Variants in USP4 observed in about 807,000 individuals in gnomAD.
USP4 encodes the protein ubiquitin specific peptidase 4.
Under a neutral mutation model 118.2 loss-of-function variants are expected in USP4, and 72 were observed. The ratio of observed to expected loss-of-function variants is 0.61; its 90% confidence interval spans 0.50 to 0.74. USP4 has a LOEUF of 0.74. Ranked by LOEUF, USP4 falls within the 30% of genes least tolerant of loss-of-function variation. The pLI, the probability that USP4 is intolerant of heterozygous loss-of-function variation, is 0.00. For synonymous variants in USP4, 415 were observed against 440.4 expected (o/e 0.94, Z 0.72); for missense variants, 1,037 against 1,185.7 (o/e 0.87, Z 1.84).
intron 2 of USP4, among the ~76,000 whole-genome samples, chr3:49,331,756 T>C (rs761741477): frequency 5.9e-5 from 9 of 152,152 alleles, no homozygotes; most frequent in African/African-American, 9.7e-5. Context: ...CTTGGGATTT[T>C]TGGAATGATA....
rs151209084 is a variant in USP4, at chr3:49,280,762, C to A, written c.2626G>T (p.Ala876Ser). 1 of 1,614,074 alleles carries A rather than the reference C, an allele frequency of 6.2e-7. No homozygotes were observed. The highest frequency in any genetic ancestry group is 1.3e-5 in the African/African-American group (1 of 75,034). The change falls in exon 20 of 22, where the codon GCC becomes TCC. Residue 876 changes from alanine to serine, a missense_variant. By Grantham distance (99) the Ala-to-Ser change is moderately conservative (BLOSUM62 1). Transcript: ENST00000265560. ...TACTTACAGTGGCCAACCCCCATGG[C>A]TCCATAATGATTGGACACGGCAATG... The part of the protein sequence containing the change: ...DLIAVSNHYG[A>S]MGVGHYTAYA...
At chr3:49,294,341 T>G in intron 14 of USP4, 66 bp downstream of exon 14, 1 of 1,516,772 alleles carries the variant, frequency 6.6e-7, no homozygotes, top group South Asian at 1.3e-5. Flanking sequence ...TGGCAGGAGT[T>G]GCCACTACTA....
Position 49,277,544 on chromosome 3 carries a change from A to T in USP4, c.*749T>A, listed in dbSNP as rs1575597062. On this transcript the variant is annotated 3_prime_UTR_variant, in exon 22 of 22. Transcript: ENST00000265560. ...GCCAACATGGAAACAACTAGACGGGACACAGCACCGGGCAGTTTTATGTAC... is the reference window on the plus strand; with the variant it reads ...GCCAACATGGAAACAACTAGACGGGTCACAGCACCGGGCAGTTTTATGTAC... 1 of 200,172 alleles carries T rather than the reference A, an allele frequency of 5.0e-6. No homozygotes were observed. Among genetic ancestry groups the T allele is most frequent in the Non-Finnish European group, 1.1e-5 (1 of 94,808 alleles). 12.4% of individuals were successfully genotyped at this position (200,172 alleles called of 1,614,324 possible). A position where few individuals can be genotyped will look rare whatever the true frequency, so the allele number is the denominator to read the frequency against.
intron 6 of USP4, among the ~76,000 whole-genome samples, chr3:49,319,598 C>CATGT (rs2047478278): frequency 3.6e-5 from 2 of 55,022 alleles, no homozygotes; most frequent in South Asian, 1.6e-3. Flanking sequence ...TATTACTAAA[C>CATGT]ATGTTTGTTT....
At chr3:49,332,907 C>T (rs991532871) in intron 2 of USP4, among the ~76,000 whole-genome samples, 1 of 151,600 alleles carries the variant, frequency 6.6e-6, no homozygotes, top group Non-Finnish European at 1.5e-5. Context: ...GTGGTGGGGC[C>T]TGTAGTTCCA....
chr3:49,324,178 T>C (rs953476492), intron 6 of USP4, among the ~76,000 whole-genome samples: 2 of 152,234 alleles, frequency 1.3e-5, no homozygotes, highest in African/African-American at 4.8e-5. Flanking sequence ...TTTGTATTTT[T>C]AGTAGAGACA....
chr3:49,284,739 G>T, intron 17 of USP4, 110 bp downstream of exon 17: 1 of 1,257,368 alleles, frequency 8.0e-7, no homozygotes, highest in Non-Finnish European at 1.1e-6. Context: ...TTCCTTCTCA[G>T]TCTTAAATAT....
intron 9 of USP4, among the ~76,000 whole-genome samples, chr3:49,303,646 T>A (rs1177835786): frequency 6.6e-6 from 1 of 152,110 alleles, no homozygotes; most frequent in African/African-American, 2.4e-5. Flanking sequence ...TGCAGATATA[T>A]AACACATCCA....
chr3:49,325,912 T>G, intron 3 of USP4, 67 bp from the exon 4 acceptor site: 2 of 1,576,878 alleles, frequency 1.3e-6, no homozygotes, highest in Admixed American at 1.7e-5. Flanking sequence ...ATGTAGCATA[T>G]CTTATCAGAA....
intron 13 of USP4, among the ~76,000 whole-genome samples, chr3:49,296,338 A>G (rs889754354): frequency 2.1e-5 from 3 of 144,898 alleles, no homozygotes; most frequent in African/African-American, 7.7e-5. Context: ...AAAAACATAA[A>G]TAAATAAAAA....
rs952931425 is a variant in USP4 at position 49,311,823 on chromosome 3, T to C, written c.696-169A>G. The stretch of plus-strand genomic sequence containing the variant: ...AAGGTAAACTTTATTTAAGTGAGAG[T>C]CCACAAATTAACTGGTCTTCCTGTC... On this transcript the variant is annotated intron_variant, in intron 6 of 21. Transcript: ENST00000265560. The C allele has an allele frequency of 8.3e-6, 11 of 1,325,104 alleles. No homozygotes were observed. In the Admixed American group the frequency reaches 1.3e-4, roughly 15 times the overall value. 82.1% of individuals were successfully genotyped at this position (1,325,104 alleles called of 1,614,324 possible). A position where few individuals can be genotyped will look rare whatever the true frequency, so the allele number is the denominator to read the frequency against.
chr3:49,335,903 G>A (rs116407562), intron 1 of USP4, among the ~76,000 whole-genome samples: 1,812 of 152,000 alleles, frequency 0.012, 39 homozygotes, highest in African/African-American at 0.042. Flanking sequence ...TTGTTCTGTC[G>A]CCCAGGCTGG....
At chr3:49,326,293 G>C (rs781135385) in intron 3 of USP4, among the ~76,000 whole-genome samples, 6 of 151,914 alleles carry the variant, frequency 3.9e-5, no homozygotes, top group Non-Finnish European at 8.8e-5. Context: ...CTCCAGCCTG[G>C]GCGACAGAGC....
rs138067141 is a variant in USP4 at position 49,325,829 on chromosome 3, A to G, written c.377T>C (p.Leu126Pro). The G allele has an allele frequency of 3.3e-5, 53 of 1,613,712 alleles. No individual in the cohort carries two copies. The African/African-American group carries it at 5.5e-4, about 17-fold the overall frequency. The change falls in exon 4 of 22, where the codon CTG (leucine) becomes CCG (proline). Residue 126 changes from leucine (L) to proline (P), a missense_variant. Leu to Pro is a moderately conservative substitution (Grantham distance 98). Transcript: ENST00000265560. ...CTCGACTTTGCAGTGCTTGACAAAC[A>G]GGCCATGCTCCACAACCTATGAACA... Reference protein sequence around the residue: ...PIVRKVVEHGLFVKHCKVEVY... With the variant: ...PIVRKVVEHGPFVKHCKVEVY...
In USP4 at chr3:49,310,647, G is replaced by A. The variant is rs201058404; in HGVS notation, c.927C>T (p.Asn309=). ...PGLCGLGNLG[N]TCFMNSALQC... ...GCAAAGCGGAGTTCATGAAGCAGGT[G>A]TTTCCCAGGTTTCCAAGTCCACAGA... The change falls in exon 8 of 22, where the codon AAC becomes AAT. Residue 309 remains asparagine (N), a synonymous_variant. Transcript: ENST00000265560. 48 of 1,614,118 alleles carry A rather than the reference G, an allele frequency of 3.0e-5. No individual in the cohort carries two copies. In the East Asian group the frequency reaches 1.1e-3, roughly 36 times the overall value.
intron 15 of USP4, among the ~76,000 whole-genome samples, chr3:49,290,974 C>T (rs568609937): frequency 3.3e-5 from 5 of 151,828 alleles, no homozygotes; most frequent in South Asian, 2.1e-4. Context: ...CAAGACCCTA[C>T]GCTTTTTTTT....
chr3:49,338,707 A>C (rs573132509), intron 1 of USP4, among the ~76,000 whole-genome samples: 3 of 151,986 alleles, frequency 2.0e-5, no homozygotes, highest in Non-Finnish European at 4.4e-5. Flanking sequence ...AAACACAAAA[A>C]AAGTACCTCT....
rs149373450 is a variant in USP4 at position 49,278,671 on chromosome 3, T to C, written c.2733+143A>G. On this transcript the variant is annotated intron_variant, in intron 21 of 21. Transcript: ENST00000265560. ...TGAGCTTCTCATTTATGAAGGTCCC[T>C]GAAGGAATGCCAGCCAGCTCTGTCA... 3,768 of 859,808 alleles carry C rather than the reference T, an allele frequency of 4.4e-3. 18 individuals carry two copies. The highest frequency in any genetic ancestry group is 6.1e-3 in the Non-Finnish European group (3,292 of 543,280). The allele number at this position is 859,808 out of a possible 1,614,324, so 53.3% of individuals were successfully genotyped here.
At chr3:49,309,499 A>ACTAC (rs2107786523) in intron 8 of USP4, among the ~76,000 whole-genome samples, 1 of 152,124 alleles carries the variant, frequency 6.6e-6, no homozygotes, top group African/African-American at 2.4e-5. Flanking sequence ...CTCAAGCAAT[A>ACTAC]CTACCCCCTC....
Sources: gnomAD v4.1 joint callset for allele counts (sites outside exome capture counted in the v4.1 genomes callset) on GRCh38, gnomAD v4.1.1 for gene constraint, MANE v1.5 for transcripts, NCBI Gene and HGNC (gene_info 2026-07-23, HGNC 2026-07-21) for gene names.